Variants in CDHR1 observed in about 807,000 individuals in gnomAD.
CDHR1 encodes the protein cadherin related family member 1, also known as cadherin-related family member 1.
Under a neutral mutation model 72.1 loss-of-function variants are expected in CDHR1, and 61 were observed. The ratio of observed to expected loss-of-function variants is 0.85; its 90% CI spans 0.69 to 1.05. CDHR1 has a LOEUF of 1.05. Among genes scored for constraint, CDHR1 ranks in the 50% least tolerant of loss-of-function variants. The pLI, the probability that CDHR1 is intolerant of heterozygous loss-of-function variation, is 0.00. For missense variants in CDHR1, 1,186 were observed against 1,115.7 expected (o/e 1.06, Z -0.90); for synonymous variants, 470 against 448.1 (o/e 1.05, Z -0.62).
In CDHR1 at chr10:84,214,156, G is replaced by C; in HGVS notation, c.2115G>C (p.Leu705=). 1 of 1,614,144 alleles carries C rather than the reference G, an allele frequency of 6.2e-7. No homozygotes were observed. Among genetic ancestry groups the C allele is most frequent in the South Asian group, 1.1e-5 (1 of 91,076 alleles). ...KDNPMKAVGV[L]AGTMATVVAI... is the part of the protein sequence containing the mutation. ...ACCCCATGAAGGCCGTGGGTGTGCT[G>C]GCCGGCACCATGGCCACCGTCGTGG... Residue 705 remains leucine (L), a synonymous_variant, in exon 17 of 17, where the codon CTG becomes CTC. Coordinates refer to ENST00000623527, the MANE Select transcript of CDHR1 (RefSeq NM_033100.4).
chr10:84,212,440 A>G (rs1214218067), intron 15 of CDHR1, 33 bp downstream of exon 15: 3 of 1,567,162 alleles, frequency 1.9e-6, no homozygotes, highest in African/African-American at 2.7e-5. Context: ...CTCCCCTAAA[A>G]GCCTGGGTCC....
At position 84,218,629 on chromosome 10, in the gene CDHR1, G is replaced by A; in HGVS notation, c.*4008G>A. On this transcript the variant is annotated 3_prime_UTR_variant, in exon 17 of 17. Transcript: ENST00000623527. ...CTTACAAATGTCTCCTCAATCAAAG[G>A]CATTTGCCTTAAACTTGTATGGTCT... The A allele has an allele frequency of 1.0e-6, 1 of 985,706 alleles. No individual in the cohort carries two copies. Among genetic ancestry groups the A allele is most frequent in the Non-Finnish European group, 1.2e-6 (1 of 830,174 alleles). The allele number at this position is 985,706 out of a possible 1,614,324, so 61.1% of individuals were successfully genotyped here.
chr10:84,201,341 A>G (rs975366588), intron 6 of CDHR1, among the ~76,000 whole-genome samples: 1 of 152,146 alleles, frequency 6.6e-6, no homozygotes, highest in Non-Finnish European at 1.5e-5. Context: ...TGCCTCCTTC[A>G]GGCTGCACAC....
chr10:84,219,559 T>A (rs141802173), downstream of CDHR1: 463 of 365,330 alleles, frequency 1.3e-3, 3 homozygotes, highest in African/African-American at 8.8e-3. Flanking sequence ...CGTAGACCAC[T>A]GTATTAGTTC....
downstream of CDHR1, chr10:84,219,202 G>A (rs529093147): frequency 1.5e-4 from 237 of 1,550,802 alleles, 1 homozygote; most frequent in South Asian, 2.5e-3. Flanking sequence ...TCCCCACTGC[G>A]AAATTGCCTT....
chr10:84,207,966 A>C (rs1278214894), intron 10 of CDHR1, among the ~76,000 whole-genome samples: 1 of 152,196 alleles, frequency 6.6e-6, no homozygotes, highest in East Asian at 1.9e-4. Context: ...CAAGAGAGAG[A>C]GTTCACAAGA....
chr10:84,195,504 C>T lies in CDHR1; in HGVS notation c.66C>T (p.Asn22=), dbSNP rs1172241657. 2 of 1,614,078 alleles carry T rather than the reference C, an allele frequency of 1.2e-6. No homozygotes were observed. Among genetic ancestry groups the T allele is most frequent in the Admixed American group, 1.7e-5 (1 of 60,022 alleles). ...GTGTTCTTTTTCCAGCTCAGGCCAA[C>T]TTCGCCCCGCACTTCTTCGACAACG... ...GLLRLCLAQA[N]FAPHFFDNGV... The change falls in exon 2 of 17, where the codon AAC becomes AAT. Residue 22 remains asparagine, a synonymous_variant. Transcript: ENST00000623527.
rs974009554 is a variant in CDHR1, at chr10:84,218,325, G to A, written c.*3704G>A. The A allele has an allele frequency of 8.1e-6, 8 of 985,334 alleles. No homozygotes were observed. Among genetic ancestry groups the A allele is most frequent in the South Asian group, 4.7e-5 (1 of 21,292 alleles). The allele number at this position is 985,334 out of a possible 1,614,324, so 61.0% of individuals were successfully genotyped here. A position where few individuals can be genotyped will look rare whatever the true frequency, so the allele number is the denominator to read the frequency against. On this transcript the variant is annotated 3_prime_UTR_variant, in exon 17 of 17. Transcript: ENST00000623527. The stretch of plus-strand genomic sequence containing the variant: ...TAAAGCAGAGTAGCAACAGGCTGAT[G>A]TTGGGGACATCGGTTTGATGTTATA...
intron 8 of CDHR1, 96 bp downstream of exon 8, chr10:84,203,219 G>A: frequency 6.6e-7 from 1 of 1,521,898 alleles, no homozygotes; most frequent in African/African-American, 1.4e-5. Context: ...TGGCTGGTCT[G>A]GTCCCGGTTG....
chr10:84,200,832 A>T, intron 6 of CDHR1, 145 bp downstream of exon 6: 1 of 677,162 alleles, frequency 1.5e-6, no homozygotes. Context: ...GCAGGAGGGG[A>T]TGTGAGAGGG....
downstream of CDHR1, chr10:84,219,078 G>A (rs1419854802): frequency 2.0e-6 from 2 of 983,590 alleles, no homozygotes; most frequent in South Asian, 1.5e-5. Context: ...CTATTTTATA[G>A]GTGAGAAGAC....
intron 8 of CDHR1, among the ~76,000 whole-genome samples, chr10:84,204,129 C>T (rs1020435788): frequency 3.3e-5 from 5 of 152,174 alleles, no homozygotes; most frequent in African/African-American, 1.2e-4. Flanking sequence ...GCCTCTCTCC[C>T]ACCTCTTCCT....
At chr10:84,208,928 A>T (rs766998469) in intron 12 of CDHR1, 47 bp downstream of exon 12, 2 of 1,588,694 alleles carry the variant, frequency 1.3e-6, no homozygotes, top group Non-Finnish European at 1.7e-6. Flanking sequence ...GGGTCCCAGG[A>T]ATTCATACCA....
Position 84,202,995 on chromosome 10 carries a change from C to G in CDHR1, c.655C>G (p.Leu219Val). 1 of 1,614,204 alleles carries G rather than the reference C, an allele frequency of 6.2e-7. No individual in the cohort carries two copies. The change falls in exon 8 of 17, where the codon CTT becomes GTT. Residue 219 changes from leucine (L) to valine (V), a missense_variant. Leu to Val is a conservative substitution (Grantham distance 32). Transcript: ENST00000623527. ...TVVAKDGGGR[L>V]HGADVVFSAT... ...TCTTCTGCAGGATGGCGGTGGGAGG[C>G]TTCATGGGGCTGATGTGGTGTTCTC...
At chr10:84,196,975 T>C (rs1842041621) in intron 3 of CDHR1, among the ~76,000 whole-genome samples, 1 of 152,120 alleles carries the variant, frequency 6.6e-6, no homozygotes, top group Admixed American at 6.5e-5. Flanking sequence ...CACAAAGTGA[T>C]TTTTCAAGCC....
downstream of CDHR1, chr10:84,219,394 C>T: frequency 1.4e-6 from 2 of 1,430,638 alleles, no homozygotes; most frequent in Non-Finnish European, 1.8e-6. Flanking sequence ...CTCTCCCCTG[C>T]ACTGCTTGCT....
intron 16 of CDHR1, 143 bp from the exon 17 acceptor site, chr10:84,213,938 GC>G: frequency 2.8e-6 from 3 of 1,053,520 alleles, no homozygotes; most frequent in Non-Finnish European, 4.4e-6. Context: ...CTGGACAAAA[GC>G]CCATAGTGCC....
Position 84,214,361 on chromosome 10 carries a change from C to G in CDHR1, c.2320C>G (p.Pro774Ala). Residue 774 changes from proline to alanine, a missense_variant, in exon 17 of 17, where the codon CCC becomes GCC. Pro to Ala is a conservative substitution (Grantham distance 27). Coordinates refer to ENST00000623527, the MANE Select transcript of CDHR1 (RefSeq NM_033100.4). ...ATKFMLKEKP[P>A]NENCNNNSPE... is the part of the protein sequence containing the mutation. ...CAAGTTCATGCTCAAAGAGAAACCT[C>G]CCAATGAGAACTGTAACAACAACAG... 1 of 1,614,198 alleles carries G rather than the reference C, an allele frequency of 6.2e-7. No homozygotes were observed. The highest frequency in any genetic ancestry group is 1.1e-5 in the South Asian group (1 of 91,082).
chr10:84,205,877 A>T lies in CDHR1; in HGVS notation c.913A>T (p.Thr305Ser), dbSNP rs1842216453. Residue 305 changes from threonine to serine, a missense_variant, in exon 10 of 17, where the codon ACT becomes TCT. Thr to Ser is a moderately conservative substitution (Grantham distance 58, BLOSUM62 1). Transcript: ENST00000623527. ...INETSGAISITQSPAQLQREV... is the reference protein window; with the variant it reads ...INETSGAISISQSPAQLQREV... ...TGAGACATCTGGAGCCATCTCCATCACTCAGAGCCCGGCCCAGCTCCAGAG... is the reference window on the plus strand; with the variant it reads ...TGAGACATCTGGAGCCATCTCCATCTCTCAGAGCCCGGCCCAGCTCCAGAG... The T allele has an allele frequency of 1.9e-6, 3 of 1,614,008 alleles. No homozygotes were observed. Among genetic ancestry groups the T allele is most frequent in the Non-Finnish European group, 2.5e-6 (3 of 1,179,980 alleles).
Sources: allele counts gnomAD v4.1 joint callset (sites outside exome capture counted in the v4.1 genomes callset), GRCh38; gene constraint gnomAD v4.1.1; transcripts MANE v1.5; gene names NCBI Gene and HGNC (gene_info 2026-07-23, HGNC 2026-07-21).